IRAG1: variants seen among roughly 807,000 people sequenced by gnomAD.
IRAG1 encodes the protein IP3R-associated cGMP kinase substrate.
In IRAG1, 62 loss-of-function variants were observed where a neutral mutation model predicts 106.2. The observed-to-expected ratio is 0.58, with a 90% CI of 0.48 to 0.72. The LOEUF is 0.72. Among genes scored for constraint, IRAG1 ranks in the 30% least tolerant of loss-of-function variants. The pLI is 0.00. For missense variants in IRAG1, 1,064 were observed against 1,140.7 expected (o/e 0.93, Z 0.97); for synonymous variants, 462 against 443.9 (o/e 1.04, Z -0.51).
chr11:10,631,760 T>G (rs1856708171), intron 4 of IRAG1, among the ~76,000 whole-genome samples: 1 of 152,264 alleles, frequency 6.6e-6, no homozygotes, highest in African/African-American at 2.4e-5. Flanking sequence ...TCTTTCTTTC[T>G]TTGACTTCTG....
At chr11:10,680,372 G>GAAAGAAAGAAAGGAA (rs1564942533) in intron 1 of IRAG1, among the ~76,000 whole-genome samples, 1 of 41,194 alleles carries the variant, frequency 2.4e-5, no homozygotes, top group African/African-American at 1.3e-4. Flanking sequence ...AAAGAAAGAA[G>GAAAGAAAGAAAGGAA]GAAGGAAGGA....
At chr11:10,678,345 G>A (rs549528238) in intron 1 of IRAG1, among the ~76,000 whole-genome samples, 6 of 152,300 alleles carry the variant, frequency 3.9e-5, no homozygotes, top group Admixed American at 6.5e-5. Flanking sequence ...TCATCTTGTC[G>A]TCTCCTGATG....
chr11:10,625,037 C>T (rs1430695714), intron 9 of IRAG1, among the ~76,000 whole-genome samples: 4 of 152,176 alleles, frequency 2.6e-5, no homozygotes, highest in Admixed American at 6.5e-5. Flanking sequence ...ACATCAGCAG[C>T]CACGCCCCAG....
chr11:10,627,855 C>A (rs1435377968), intron 7 of IRAG1, 95 bp from the exon 8 acceptor site: 6 of 1,585,500 alleles, frequency 3.8e-6, no homozygotes, highest in Non-Finnish European at 5.2e-6. Flanking sequence ...CAGTGGTGTT[C>A]ATGCCCTCCA....
At chr11:10,633,348 T>G (rs1028324312) in intron 3 of IRAG1, among the ~76,000 whole-genome samples, 1 of 152,214 alleles carries the variant, frequency 6.6e-6, no homozygotes, top group Non-Finnish European at 1.5e-5. Flanking sequence ...GTGCTAGGAT[T>G]ACAGGCATGA....
At chr11:10,669,547 C>A (rs553989279) in intron 1 of IRAG1, among the ~76,000 whole-genome samples, 39 of 152,318 alleles carry the variant, frequency 2.6e-4, no homozygotes, top group Admixed American at 2.0e-3. Context: ...GATACTTTAG[C>A]CCTAAAGTAG....
chr11:10,638,604 A>G (rs916464935), intron 2 of IRAG1, among the ~76,000 whole-genome samples: 1 of 152,188 alleles, frequency 6.6e-6, no homozygotes, highest in Admixed American at 6.5e-5. Context: ...TGTCTGTCAT[A>G]TTTAGAGAAT....
intron 13 of IRAG1, 109 bp downstream of exon 13, chr11:10,604,296 T>A (rs1333560572): frequency 7.2e-7 from 1 of 1,394,918 alleles, no homozygotes; most frequent in Non-Finnish European, 9.7e-7. Flanking sequence ...TGGCTCAATT[T>A]TTCACTTCAG....
At chr11:10,640,983 C>G (rs1188936241) in intron 2 of IRAG1, among the ~76,000 whole-genome samples, 2 of 152,192 alleles carry the variant, frequency 1.3e-5, no homozygotes, top group Non-Finnish European at 2.9e-5. Context: ...ATTTGAATTT[C>G]AAATGTACAA....
chr11:10,600,166 T>C (rs1317652087), intron 15 of IRAG1, among the ~76,000 whole-genome samples: 2 of 152,212 alleles, frequency 1.3e-5, no homozygotes, highest in African/African-American at 4.8e-5. Context: ...ACCAACAAGA[T>C]ACCATCCCTC....
At chr11:10,661,298 T>G (rs1437745231) in intron 1 of IRAG1, among the ~76,000 whole-genome samples, 6 of 152,170 alleles carry the variant, frequency 3.9e-5, no homozygotes, top group Non-Finnish European at 8.8e-5. Flanking sequence ...TTCCTACTTG[T>G]CCTCCAAGAC....
At position 10,586,449 on chromosome 11, in the gene IRAG1, G is replaced by A. The variant is rs1233187318; in HGVS notation, c.2241-4463C>T. ...TTTTTTTTCCTTGAGACAGGGTCCC[G>A]CTCTGTCACTCAGGCTGGAGTGCAG... On this transcript the variant is annotated intron_variant, in intron 18 of 20. Coordinates refer to ENST00000423302, the MANE Select transcript of IRAG1 (RefSeq NM_130385.4). 1.0e-4 allele frequency among the ~76,000 whole-genome samples: 14 copies of A among 137,670 alleles called. No homozygotes were observed. In the East Asian group the frequency reaches 1.0e-3, roughly 10 times the overall value. The allele number at this position is 137,670 out of a possible 152,430, so 90.3% of individuals were successfully genotyped here.
Position 10,673,870 on chromosome 11 carries a change from G to T in IRAG1, c.67+19666C>A, listed in dbSNP as rs1365477442. Among the ~76,000 whole-genome samples, 4 of 152,192 alleles carry T rather than the reference G, an allele frequency of 2.6e-5. 1 individual carries two copies. Among genetic ancestry groups the T allele is most frequent in the South Asian group, 4.1e-4 (2 of 4,824 alleles). Reference sequence around the variant, plus strand: ...GTAAGAAAACAGGTTGAGGGAAAGAGATAGATTATGTGTCTAGGATGGGCT... The same window carrying T: ...GTAAGAAAACAGGTTGAGGGAAAGATATAGATTATGTGTCTAGGATGGGCT... On this transcript the variant is annotated intron_variant, in intron 1 of 20. Coordinates refer to ENST00000423302, the MANE Select transcript of IRAG1 (RefSeq NM_130385.4).
intron 1 of IRAG1, among the ~76,000 whole-genome samples, chr11:10,672,357 CA>C (rs1488272476): frequency 6.6e-6 from 1 of 151,700 alleles, no homozygotes; most frequent in African/African-American, 2.4e-5. Flanking sequence ...CATCGCGATA[CA>C]AAAAATTCTG....
chr11:10,637,366 T>C (rs1173915514), intron 2 of IRAG1, among the ~76,000 whole-genome samples: 3 of 152,128 alleles, frequency 2.0e-5, no homozygotes, highest in African/African-American at 2.4e-5. Context: ...AGGACACAGA[T>C]ACCCATCCTT....
intron 2 of IRAG1, among the ~76,000 whole-genome samples, chr11:10,634,541 C>T (rs1044886763): frequency 6.6e-6 from 1 of 152,180 alleles, no homozygotes; most frequent in East Asian, 1.9e-4. Flanking sequence ...TGACCAACAT[C>T]TCCCCATTTC....
intron 1 of IRAG1, among the ~76,000 whole-genome samples, chr11:10,683,696 C>T (rs1431782484): frequency 1.3e-5 from 2 of 152,136 alleles, no homozygotes; most frequent in Non-Finnish European, 2.9e-5. Flanking sequence ...TCCCTTGCTC[C>T]AGCACCACAT....
At chr11:10,594,366 G>A (rs1348406703) in intron 15 of IRAG1, 171 bp from the exon 16 acceptor site, 1 of 590,532 alleles carries the variant, frequency 1.7e-6, no homozygotes, top group African/African-American at 1.9e-5. Context: ...TTGAGATGGG[G>A]CTGCAGAGTG....
intron 10 of IRAG1, among the ~76,000 whole-genome samples, chr11:10,614,510 C>G (rs1308244192): frequency 6.6e-6 from 1 of 152,198 alleles, no homozygotes; most frequent in Non-Finnish European, 1.5e-5. Flanking sequence ...AAGAACAAAG[C>G]TGGAGGCATC....
Sources: allele counts gnomAD v4.1 joint callset (sites outside exome capture counted in the v4.1 genomes callset), GRCh38; gene constraint gnomAD v4.1.1; transcripts MANE v1.5; gene names NCBI Gene and HGNC (gene_info 2026-07-23, HGNC 2026-07-21).